Variants in PLD5 observed in about 807,000 individuals in gnomAD.
The protein encoded by PLD5 is inactive phospholipase D5.
A neutral mutation model predicts 61.1 loss-of-function variants in PLD5; 36 were observed. The ratio of observed to expected loss-of-function variants is 0.59; its 90% CI spans 0.45 to 0.78. The LOEUF (loss-of-function observed/expected upper bound fraction) is 0.78. Among genes scored for constraint, PLD5 ranks in the 30% least tolerant of loss-of-function variants. The pLI is 0.00. For missense variants in PLD5, 515 were observed against 644.4 expected (o/e 0.80, Z 2.17); for synonymous variants, 243 against 242.8 (o/e 1.00, Z -0.01).
chr1:242,130,243 G>C (rs766459867), intron 5 of PLD5, among the ~76,000 whole-genome samples: 1 of 151,976 alleles, frequency 6.6e-6, no homozygotes, highest in Non-Finnish European at 1.5e-5. Flanking sequence ...GTAGAGACAG[G>C]GTTTCACCAC....
chr1:242,280,587 T>A (rs1464794160), intron 3 of PLD5, among the ~76,000 whole-genome samples: 1 of 152,210 alleles, frequency 6.6e-6, no homozygotes. Flanking sequence ...CATCAGAATA[T>A]CCTGCTTTCC....
At chr1:242,293,068 C>T (rs534735109) in intron 2 of PLD5, among the ~76,000 whole-genome samples, 13 of 152,296 alleles carry the variant, frequency 8.5e-5, no homozygotes, top group Admixed American at 2.0e-4. Context: ...ATTACAAACA[C>T]ATTCTTATAA....
At chr1:242,422,231 G>A (rs1665183736) in intron 1 of PLD5, among the ~76,000 whole-genome samples, 1 of 152,008 alleles carries the variant, frequency 6.6e-6, no homozygotes, top group Admixed American at 6.6e-5. Flanking sequence ...GGAGGAGAAG[G>A]GAACGAGAAC....
Position 242,100,578 on chromosome 1 carries a change from C to A in PLD5, c.1354+90G>T, listed in dbSNP as rs1574293227. 6.5e-6 allele frequency: 6 copies of A among 929,048 alleles called. No individual in the cohort carries two copies. The East Asian group carries it at 1.2e-4, about 19-fold the overall frequency. 57.6% of individuals were successfully genotyped at this position (929,048 alleles called of 1,614,324 possible). ...ACCAGCAGTGGTTCCCAAGGCCTTGCTTCCTCACCAGGGGATACCGTGGAG... is the reference window on the plus strand; with the variant it reads ...ACCAGCAGTGGTTCCCAAGGCCTTGATTCCTCACCAGGGGATACCGTGGAG... On this transcript the variant is annotated intron_variant, in intron 9 of 9. Coordinates refer to ENST00000536534, the MANE Select transcript of PLD5 (RefSeq NM_001372062.1).
In PLD5 at chr1:242,486,273, C is replaced by G. The variant is rs1489331722; in HGVS notation, c.189+37815G>C. Among the ~76,000 whole-genome samples, 3 of 152,268 alleles carry G rather than the reference C, an allele frequency of 2.0e-5. No individual in the cohort carries two copies. The East Asian group carries it at 5.8e-4, about 29-fold the overall frequency. ...CAAAAGAAACTACCATCAGAGTGAA[C>G]AGGAAACCTACAGAATGGGAGAAAA... On this transcript the variant is annotated intron_variant, in intron 1 of 9. Transcript: ENST00000536534.
At chr1:242,406,012 C>T (rs1664217144) in intron 1 of PLD5, among the ~76,000 whole-genome samples, 2 of 152,180 alleles carry the variant, frequency 1.3e-5, no homozygotes, top group Admixed American at 1.3e-4. Flanking sequence ...GTCCAAAATG[C>T]ACTCTTCTCT....
At chr1:242,519,244 G>A (rs1330480563) in intron 1 of PLD5, among the ~76,000 whole-genome samples, 5 of 152,134 alleles carry the variant, frequency 3.3e-5, no homozygotes, top group South Asian at 2.1e-4. Context: ...TACATAATAT[G>A]AGCCTAGACC....
intron 5 of PLD5, among the ~76,000 whole-genome samples, chr1:242,131,199 G>A (rs1663212839): frequency 6.6e-6 from 1 of 152,134 alleles, no homozygotes; most frequent in Non-Finnish European, 1.5e-5. Context: ...CCAGCTACTT[G>A]GGAGGCTGAG....
chr1:242,328,497 A>T (rs1253799608), intron 2 of PLD5, among the ~76,000 whole-genome samples: 1 of 152,202 alleles, frequency 6.6e-6, no homozygotes, highest in Non-Finnish European at 1.5e-5. Context: ...TATGTGTTCT[A>T]CATATGTATG....
At chr1:242,511,958 A>C (rs190479724) in intron 1 of PLD5, among the ~76,000 whole-genome samples, 2 of 152,294 alleles carry the variant, frequency 1.3e-5, no homozygotes, top group Non-Finnish European at 2.9e-5. Context: ...TACATTGGGA[A>C]TCTCATAGGC....
At position 242,113,726 on chromosome 1, in the gene PLD5, G is replaced by A. The variant is rs371112485; in HGVS notation, c.1070+164C>T. On this transcript the variant is annotated intron_variant, in intron 7 of 9. Transcript: ENST00000536534. ...ATGGACCCACTTTGGGAAAAGCTCCGTAATGAGTAAATTGCCAATGCATGT... is the reference window on the plus strand; with the variant it reads ...ATGGACCCACTTTGGGAAAAGCTCCATAATGAGTAAATTGCCAATGCATGT... 5.5e-4 allele frequency among the ~76,000 whole-genome samples: 83 copies of A among 152,288 alleles called. 3 individuals carry two copies. The South Asian group carries it at 0.016, about 29-fold the overall frequency.
rs115295293 is a variant in PLD5 at position 242,414,720 on chromosome 1, G to C, written c.190-66478C>G. The stretch of plus-strand genomic sequence containing the variant: ...GTGTGAATCACTTTATAACGTGGGA[G>C]AATTTTCTCACTGTGACTCAAAATC... On this transcript the variant is annotated intron_variant, in intron 1 of 9. Coordinates refer to ENST00000536534, the MANE Select transcript of PLD5 (RefSeq NM_001372062.1). Among the ~76,000 whole-genome samples, 1,118 of 152,186 alleles carry C rather than the reference G, an allele frequency of 7.3e-3. 18 individuals are homozygous for C. Among genetic ancestry groups the C allele is most frequent in the African/African-American group, 0.026 (1,064 of 41,522 alleles).
At position 242,089,399 on chromosome 1, in the gene PLD5, GGA is replaced by G; in HGVS notation, c.*453_*454del. On this transcript the variant is annotated 3_prime_UTR_variant, in exon 10 of 10. Coordinates refer to ENST00000536534, the MANE Select transcript of PLD5 (RefSeq NM_001372062.1). The stretch of plus-strand genomic sequence containing the variant: ...ATGCTTAGCTGACTGTGTAGGTCTT[GGA>G]GACGATTTACAAGAATAAACACTTG... 1.2e-5 allele frequency: 5 copies of G among 411,744 alleles called. No homozygotes were observed. The Admixed American group carries it at 1.6e-4, about 13-fold the overall frequency. 25.5% of individuals were successfully genotyped at this position (411,744 alleles called of 1,614,324 possible).
chr1:242,383,533 A>G (rs1662425173), intron 1 of PLD5, among the ~76,000 whole-genome samples: 2 of 151,288 alleles, frequency 1.3e-5, no homozygotes, highest in Non-Finnish European at 2.9e-5. Context: ...ATTTTCTGTT[A>G]AATTTTTTCT....
chr1:242,216,137 C>T (rs1352037648), intron 5 of PLD5, among the ~76,000 whole-genome samples: 3 of 152,162 alleles, frequency 2.0e-5, no homozygotes. Flanking sequence ...GCTAATTATA[C>T]TCATGATTGT....
At chr1:242,485,007 C>T (rs1177872433) in intron 1 of PLD5, among the ~76,000 whole-genome samples, 1 of 152,124 alleles carries the variant, frequency 6.6e-6, no homozygotes, top group Non-Finnish European at 1.5e-5. Context: ...CAAAATTCAA[C>T]AGCCCTTCAT....
At chr1:242,497,142 T>C (rs1000140811) in intron 1 of PLD5, among the ~76,000 whole-genome samples, 40 of 152,332 alleles carry the variant, frequency 2.6e-4, no homozygotes, top group African/African-American at 9.4e-4. Context: ...GCCACTGCTT[T>C]GGGAGCTCTG....
chr1:242,162,967 GGCAGAAATCCT>G, intron 5 of PLD5, among the ~76,000 whole-genome samples: 1 of 152,042 alleles, frequency 6.6e-6, no homozygotes, highest in East Asian at 1.9e-4. Flanking sequence ...AAAAATAGTA[GGCAGAAATCCT>G]GCAGCTTTCA....
chr1:242,528,290 A>G (rs977600497), upstream of PLD5, among the ~76,000 whole-genome samples: 3 of 152,238 alleles, frequency 2.0e-5, no homozygotes, highest in Admixed American at 2.0e-4. Context: ...TGTATAAACT[A>G]TAGAGTCCAA....
Sources: gnomAD v4.1 joint callset for allele counts (sites outside exome capture counted in the v4.1 genomes callset) on GRCh38, gnomAD v4.1.1 for gene constraint, MANE v1.5 for transcripts, NCBI Gene and HGNC (gene_info 2026-07-23, HGNC 2026-07-21) for gene names.